The following LUC7L variants were observed in gnomAD, a reference collection of about 807,000 sequenced individuals.
LUC7L encodes the protein LUC7 like, also known as putative RNA-binding protein Luc7-like 1.
LUC7L carries 29 observed loss-of-function variants against 51.1 expected under a neutral mutation model. The ratio of observed to expected loss-of-function variants is 0.57; its 90% confidence interval spans 0.42 to 0.77. LUC7L has a LOEUF of 0.77. Ranked by LOEUF, LUC7L falls within the 30% of genes least tolerant of loss-of-function variation. LUC7L has a pLI of 0.00. For missense variants in LUC7L, 403 were observed against 511.9 expected (o/e 0.79, Z 2.05); for synonymous variants, 181 against 180.7 (o/e 1.00, Z -0.01).
chr16:222,758 G>A lies in LUC7L; in HGVS notation c.157-2011C>T, dbSNP rs181265390. The stretch of plus-strand genomic sequence containing the variant: ...CGATTCTCCTGCCTCAGCCTCCCAA[G>A]GAGCTGGAATTACAGACATGTGCCA... On this transcript the variant is annotated intron_variant, in intron 2 of 9. Coordinates refer to ENST00000293872, the MANE Select transcript of LUC7L (RefSeq NM_201412.3). Among the ~76,000 whole-genome samples, 950 of 151,338 alleles carry A rather than the reference G, an allele frequency of 6.3e-3. 5 individuals are homozygous for A. The highest frequency in any genetic ancestry group is 0.027 in the Middle Eastern group (8 of 294).
intron 2 of LUC7L, among the ~76,000 whole-genome samples, chr16:225,360 C>G (rs1387729590): frequency 2.0e-5 from 3 of 151,738 alleles, no homozygotes; most frequent in Non-Finnish European, 2.9e-5. Flanking sequence ...GTGGTGCATG[C>G]CTGTAATCCC....
chr16:216,562 C>T (rs990395611), intron 3 of LUC7L, among the ~76,000 whole-genome samples: 2 of 150,820 alleles, frequency 1.3e-5, no homozygotes, highest in African/African-American at 2.4e-5. Context: ...TTTGTATTTT[C>T]GGTAGACACG....
At chr16:194,109 T>C (rs1279094141) in intron 6 of LUC7L, among the ~76,000 whole-genome samples, 1 of 151,932 alleles carries the variant, frequency 6.6e-6, no homozygotes, top group Non-Finnish European at 1.5e-5. Flanking sequence ...GGCCACTTTT[T>C]TTTTTTTGAA....
At chr16:196,994 G>A (rs1010498076) in intron 6 of LUC7L, among the ~76,000 whole-genome samples, 1 of 145,710 alleles carries the variant, frequency 6.9e-6, no homozygotes, top group African/African-American at 2.6e-5. Flanking sequence ...TGCAAGCTCC[G>A]CCTCCCGGGT....
chr16:219,890 C>T (rs1415070642), intron 3 of LUC7L, among the ~76,000 whole-genome samples: 2 of 151,642 alleles, frequency 1.3e-5, no homozygotes, highest in Non-Finnish European at 2.9e-5. Flanking sequence ...AAAGAATTTA[C>T]TAATGTAGAT....
At chr16:206,194 G>A (rs1019190883) in intron 4 of LUC7L, 47 bp from the exon 5 acceptor site, 1 of 1,576,342 alleles carries the variant, frequency 6.3e-7, no homozygotes, top group African/African-American at 1.4e-5. Context: ...AAATGAAAGT[G>A]AATGCAAAGG....
At chr16:194,092 C>A (rs1236672775) in intron 6 of LUC7L, among the ~76,000 whole-genome samples, 2 of 151,664 alleles carry the variant, frequency 1.3e-5, no homozygotes, top group Admixed American at 1.3e-4. Flanking sequence ...CATGAGCCAC[C>A]GCGCTTGGCC....
chr16:216,128 A>G (rs1281964401), intron 3 of LUC7L, among the ~76,000 whole-genome samples: 1 of 151,984 alleles, frequency 6.6e-6, no homozygotes, highest in Non-Finnish European at 1.5e-5. Context: ...CAGCCTCCCG[A>G]GTAGCTGGGA....
rs776931577 is a variant in LUC7L at position 199,263 on chromosome 16, A to T, written c.511-25T>A. ...CCTGAAGAAGGAAAATGGAGAAATA[A>T]AAGTGAGGTATATAGAACTGCCACC... On this transcript the variant is annotated intron_variant, in intron 5 of 9. Coordinates refer to ENST00000293872, the MANE Select transcript of LUC7L (RefSeq NM_201412.3). The T allele has an allele frequency of 1.2e-5, 18 of 1,546,674 alleles. No homozygotes were observed. In the South Asian group the frequency reaches 1.9e-4, roughly 17 times the overall value.
chr16:227,100 G>A (rs573950086), intron 2 of LUC7L, 142 bp downstream of exon 2: 9 of 644,734 alleles, frequency 1.4e-5, no homozygotes, highest in African/African-American at 3.6e-5. Flanking sequence ...ACATACATAC[G>A]AGTGGAGGAA....
chr16:207,880 G>A (rs537065903), intron 4 of LUC7L, among the ~76,000 whole-genome samples, 198 bp downstream of exon 4: 1 of 152,194 alleles, frequency 6.6e-6, no homozygotes, highest in East Asian at 1.9e-4. Context: ...ATGGTGGCGG[G>A]CGTCTGCAGT....
intron 3 of LUC7L, 87 bp from the exon 4 acceptor site, chr16:208,275 C>T: frequency 5.2e-6 from 5 of 956,486 alleles, no homozygotes; most frequent in East Asian, 2.5e-5. Flanking sequence ...AAATACACTC[C>T]TAGGTTCGTT....
At position 220,588 on chromosome 16, in the gene LUC7L, CTT is replaced by C. The variant is rs1365631567; in HGVS notation, c.255+59_255+60del. The C allele has an allele frequency of 5.6e-6, 7 of 1,239,934 alleles. No individual in the cohort carries two copies. The African/African-American group carries it at 7.5e-5, about 13-fold the overall frequency. 76.8% of individuals were successfully genotyped at this position (1,239,934 alleles called of 1,614,324 possible). On this transcript the variant is annotated intron_variant, in intron 3 of 9. Transcript: ENST00000293872. ...CATAACTTACGTATGTTACATTTTT[CTT>C]GTTAGTTCAATATTGGGTTCTTCGC...
chr16:216,581 C>T (rs2142098226), intron 3 of LUC7L, among the ~76,000 whole-genome samples: 1 of 151,718 alleles, frequency 6.6e-6, no homozygotes, highest in East Asian at 2.0e-4. Flanking sequence ...CGGTGTTGTA[C>T]TATTTGGCCA....
rs190922561 is a variant in LUC7L at position 226,029 on chromosome 16, G to A, written c.156+1213C>T. Among the ~76,000 whole-genome samples, 583 of 152,142 alleles carry A rather than the reference G, an allele frequency of 3.8e-3. 1 individual carries two copies. The highest frequency in any genetic ancestry group is 0.014 in the Middle Eastern group (4 of 294). The stretch of plus-strand genomic sequence containing the variant: ...ACCCTACAGTGAAACTTCCTTTGAC[G>A]AGTTGAAATCATTAATCTGTATTGA... On this transcript the variant is annotated intron_variant, in intron 2 of 9. Coordinates refer to ENST00000293872, the MANE Select transcript of LUC7L (RefSeq NM_201412.3).
chr16:221,816 G>C (rs1394222681), intron 2 of LUC7L, among the ~76,000 whole-genome samples: 2 of 152,218 alleles, frequency 1.3e-5, no homozygotes, highest in Non-Finnish European at 2.9e-5. Flanking sequence ...AAGATGCAGA[G>C]ACAGAGGAAG....
Position 189,336 on chromosome 16 carries a change from G to C in LUC7L, c.978C>G (p.Phe326Leu). The stretch of plus-strand genomic sequence containing the variant: ...CCTCTCTGGATGCCCGCTCTCTGGA[G>C]AACCTGGGAAATGGGAACCAGAGGC... ...ASRDRSAKYK[F>L]SRERASREES... The change falls in exon 10 of 10, where the codon TTC becomes TTG. Residue 326 changes from phenylalanine to leucine, a missense_variant. This residue lies in a region of LUC7L where 206 missense variants were observed against 218.3 expected (regional missense o/e 0.94). Coordinates refer to ENST00000293872, the MANE Select transcript of LUC7L (RefSeq NM_201412.3). 1 of 1,607,652 alleles carries C rather than the reference G, an allele frequency of 6.2e-7. No homozygotes were observed. Among genetic ancestry groups the C allele is most frequent in the African/African-American group, 1.3e-5 (1 of 74,940 alleles).
At chr16:211,114 A>G (rs1241248745) in intron 3 of LUC7L, among the ~76,000 whole-genome samples, 2 of 147,292 alleles carry the variant, frequency 1.4e-5, no homozygotes, top group African/African-American at 5.0e-5. Context: ...TGTAATCCCA[A>G]CACTTTGGGA....
Position 190,131 on chromosome 16 carries a change from G to C in LUC7L, c.811C>G (p.Arg271Gly), listed in dbSNP as rs772200033. ...GSRTRDRRRS[R>G]SRDRRRRRSR... is the part of the protein sequence containing the mutation. Reference sequence around the variant, plus strand: ...CGCCTCCGACGCCGATCCCGGGAGCGTGACCTGAACAATCAGAAGGCTCCA... The same window carrying C: ...CGCCTCCGACGCCGATCCCGGGAGCCTGACCTGAACAATCAGAAGGCTCCA... Residue 271 changes from arginine (R) to glycine (G), a missense_variant, in exon 9 of 10, where the codon CGC becomes GGC. Arg to Gly is a moderately radical substitution (Grantham distance 125). Around this residue, in one of 3 missense-constraint regions of LUC7L, gnomAD observed 206 missense variants for 218.3 expected, o/e 0.94. Transcript: ENST00000293872. 2 of 1,609,782 alleles carry C rather than the reference G, an allele frequency of 1.2e-6. No homozygotes were observed. Among genetic ancestry groups the C allele is most frequent in the Non-Finnish European group, 8.5e-7 (1 of 1,179,544 alleles).
Sources: allele counts gnomAD v4.1 joint callset (sites outside exome capture counted in the v4.1 genomes callset), GRCh38; gene constraint gnomAD v4.1.1; regional missense constraint gnomAD v4.1.1; transcripts MANE v1.5; gene names NCBI Gene and HGNC (gene_info 2026-07-23, HGNC 2026-07-21).